MPP7: variants seen among roughly 807,000 people sequenced by gnomAD.
The protein encoded by MPP7 is MAGUK p55 scaffold protein 7.
A neutral mutation model predicts 76.5 loss-of-function variants in MPP7; 60 were observed. The observed-to-expected ratio is 0.78, with a 90% CI of 0.64 to 0.97. The LOEUF (loss-of-function observed/expected upper bound fraction) is 0.97, where lower values mean the gene tolerates loss of function less well. Ranked by LOEUF, MPP7 falls within the 50% of genes least tolerant of loss-of-function variation. MPP7 has a pLI of 0.00. For missense variants in MPP7, 641 were observed against 694.0 expected (o/e 0.92, Z 0.86); for synonymous variants, 237 against 244.5 (o/e 0.97, Z 0.29).
rs952514358 is a variant in MPP7 at position 28,303,009 on chromosome 10, A to G, written c.-280T>C. On this transcript the variant is annotated 5_prime_UTR_variant, in exon 1 of 17. Transcript: ENST00000683449. ...CTCGGCACCGCCGCGGCGGGCGCAG[A>G]ACGCACGAGCCCAGTGGGAGCCCGG... 6.7e-6 allele frequency among the ~76,000 whole-genome samples: 1 copy of G among 149,920 alleles called. No individual in the cohort carries two copies. The highest frequency in any genetic ancestry group is 2.4e-5 in the African/African-American group (1 of 41,256).
intron 11 of MPP7, among the ~76,000 whole-genome samples, chr10:28,090,611 A>T (rs1427469921): frequency 6.6e-6 from 1 of 152,236 alleles, no homozygotes; most frequent in Non-Finnish European, 1.5e-5. Flanking sequence ...CAACGTACCC[A>T]TGGCACAGGC....
intron 1 of MPP7, among the ~76,000 whole-genome samples, chr10:28,283,867 T>C (rs78438899): frequency 0.014 from 2,126 of 152,280 alleles, 49 homozygotes; most frequent in African/African-American, 0.048. Flanking sequence ...AATGTCTATT[T>C]TGATAAGCAG....
intron 3 of MPP7, among the ~76,000 whole-genome samples, chr10:28,160,250 C>G (rs1456769278): frequency 1.3e-5 from 2 of 152,190 alleles, no homozygotes; most frequent in Admixed American, 6.5e-5. Flanking sequence ...AACCAGAACT[C>G]TGGTTTGCAG....
At chr10:28,293,140 G>C (rs2133133162) in intron 1 of MPP7, among the ~76,000 whole-genome samples, 1 of 151,176 alleles carries the variant, frequency 6.6e-6, no homozygotes, top group East Asian at 1.9e-4. Context: ...AACAAAAGAT[G>C]CGTATACCAT....
At chr10:28,067,824 G>A (rs1308944565) in intron 13 of MPP7, among the ~76,000 whole-genome samples, 6 of 152,090 alleles carry the variant, frequency 3.9e-5, no homozygotes, top group Admixed American at 2.0e-4. Context: ...AGTTTTAAAG[G>A]ATTGCTAGTG....
intron 1 of MPP7, among the ~76,000 whole-genome samples, chr10:28,281,132 T>C (rs1840659433): frequency 6.6e-6 from 1 of 152,008 alleles, no homozygotes; most frequent in South Asian, 2.1e-4. Flanking sequence ...GGGGCTGGAA[T>C]GCAGTGGTGC....
rs754736848 is a variant in MPP7, at chr10:28,059,641, T to A, written c.1298+9A>T. ...AGTCACATGAAAATTCTCAAAAATG[T>A]CCACATACTTGTTATTTTGTACATC... On this transcript the variant is annotated intron_variant, in intron 14 of 16. Coordinates refer to ENST00000683449, the MANE Select transcript of MPP7 (RefSeq NM_001318170.2). 1.5e-5 allele frequency: 24 copies of A among 1,600,214 alleles called. No homozygotes were observed. The South Asian group carries it at 2.6e-4, about 18-fold the overall frequency.
intron 1 of MPP7, among the ~76,000 whole-genome samples, chr10:28,259,855 C>T (rs2132923497): frequency 6.6e-6 from 1 of 151,816 alleles, no homozygotes; most frequent in Non-Finnish European, 1.5e-5. Context: ...CGGTGGTGTG[C>T]CCCTGTAATG....
intron 1 of MPP7, among the ~76,000 whole-genome samples, chr10:28,260,026 C>T (rs778972261): frequency 6.6e-6 from 1 of 152,124 alleles, no homozygotes; most frequent in Admixed American, 6.6e-5. Context: ...AAAACAAAAA[C>T]TCTTCATTAG....
intron 3 of MPP7, among the ~76,000 whole-genome samples, chr10:28,168,096 G>A (rs58368296): frequency 1.3e-5 from 2 of 151,882 alleles, no homozygotes; most frequent in African/African-American, 4.8e-5. Context: ...ATTTAGTCGG[G>A]CATGGTGGCG....
intron 7 of MPP7, among the ~76,000 whole-genome samples, chr10:28,124,377 C>T (rs1004665331): frequency 5.3e-5 from 8 of 150,786 alleles, no homozygotes; most frequent in Admixed American, 2.6e-4. Context: ...ATATCTTATA[C>T]TAATATACTA....
chr10:28,129,786 CTGATA>C, intron 6 of MPP7, among the ~76,000 whole-genome samples: 1 of 152,084 alleles, frequency 6.6e-6, no homozygotes, highest in East Asian at 1.9e-4. Flanking sequence ...AAAAACCCTC[CTGATA>C]TAAATCCCTT....
At chr10:28,059,895 G>T in intron 13 of MPP7, 152 bp from the exon 14 acceptor site, 2 of 616,932 alleles carry the variant, frequency 3.2e-6, no homozygotes, top group East Asian at 2.9e-5. Context: ...ACAGTAAGCT[G>T]TTATAAATCC....
At chr10:28,283,026 A>T (rs1840716037) in intron 1 of MPP7, among the ~76,000 whole-genome samples, 1 of 152,054 alleles carries the variant, frequency 6.6e-6, no homozygotes, top group Non-Finnish European at 1.5e-5. Context: ...ATAAAATTTC[A>T]TAACAATGTC....
chr10:28,278,400 T>A (rs1346526971), intron 1 of MPP7, among the ~76,000 whole-genome samples: 1 of 152,128 alleles, frequency 6.6e-6, no homozygotes, highest in Non-Finnish European at 1.5e-5. Flanking sequence ...ACTGGTGGTA[T>A]CCATTTTTAA....
rs569282051 is a variant in MPP7 at position 28,116,300 on chromosome 10, T to C, written c.952+3351A>G. On this transcript the variant is annotated intron_variant, in intron 11 of 16. Transcript: ENST00000683449. ...TGAATTCCTATTTCTTTCTTAACGG[T>C]TAGGTAGTACATGCAACCAAACTAT... is the stretch of plus-strand genomic sequence containing the variant. Among the ~76,000 whole-genome samples, 13 of 152,236 alleles carry C rather than the reference T, an allele frequency of 8.5e-5. No homozygotes were observed. In the East Asian group the frequency reaches 1.5e-3, roughly 18 times the overall value.
intron 5 of MPP7, among the ~76,000 whole-genome samples, chr10:28,140,016 C>T (rs1835462416): frequency 6.6e-6 from 1 of 152,076 alleles, no homozygotes; most frequent in African/African-American, 2.4e-5. Context: ...AACAACCTCA[C>T]AAATTTAAAT....
At chr10:28,066,846 G>C (rs1852008421) in intron 13 of MPP7, among the ~76,000 whole-genome samples, 2 of 152,194 alleles carry the variant, frequency 1.3e-5, no homozygotes, top group African/African-American at 4.8e-5. Context: ...TGTAGTTGAA[G>C]ATTGTTCATT....
At chr10:28,186,026 T>C (rs539757207) in intron 3 of MPP7, among the ~76,000 whole-genome samples, 1 of 152,268 alleles carries the variant, frequency 6.6e-6, no homozygotes, top group African/African-American at 2.4e-5. Context: ...GCTCTGATAG[T>C]CACTTTCATG....
Sources: gnomAD v4.1 joint callset for allele counts (sites outside exome capture counted in the v4.1 genomes callset) on GRCh38, gnomAD v4.1.1 for gene constraint, MANE v1.5 for transcripts, NCBI Gene and HGNC (gene_info 2026-07-23, HGNC 2026-07-21) for gene names.